Variants in GPC6 observed in about 807,000 individuals in gnomAD.
GPC6 encodes glypican-6.
GPC6 carries 14 observed loss-of-function variants against 55.2 expected under a neutral mutation model. The ratio of observed to expected loss-of-function variants is 0.25; its 90% CI spans 0.17 to 0.40. The LOEUF is 0.40. GPC6 is among the 10% of genes least tolerant of loss of function. GPC6 has a pLI of 1.00. For missense variants in GPC6, 641 were observed against 708.5 expected, an observed-to-expected ratio of 0.90 and a Z score of 1.08; for synonymous variants, 278 against 259.6, an observed-to-expected ratio of 1.07 and a Z score of -0.68.
intron 6 of GPC6, among the ~76,000 whole-genome samples, chr13:94,333,929 C>G (rs1324283730): frequency 6.6e-6 from 1 of 152,106 alleles, no homozygotes; most frequent in African/African-American, 2.4e-5. Flanking sequence ...AATGGGTGTA[C>G]AGAGAGCAGA....
At chr13:94,221,835 G>A (rs17253738) in intron 4 of GPC6, among the ~76,000 whole-genome samples, 27,616 of 151,896 alleles carry the variant, frequency 0.18, 2,782 homozygotes, top group East Asian at 0.41. Flanking sequence ...TTTAAATTGG[G>A]TAATAGTCAA....
At chr13:93,418,545 A>G (rs1265796215) in intron 1 of GPC6, among the ~76,000 whole-genome samples, 2 of 151,444 alleles carry the variant, frequency 1.3e-5, no homozygotes, top group African/African-American at 2.4e-5. Flanking sequence ...ATAGCACTGT[A>G]CTGTAGTATT....
At chr13:93,529,693 T>C (rs1256732931) in intron 1 of GPC6, among the ~76,000 whole-genome samples, 2 of 151,768 alleles carry the variant, frequency 1.3e-5, no homozygotes, top group African/African-American at 4.8e-5. Context: ...ATTTTTGTAT[T>C]TTTAGTAGAG....
At chr13:93,477,685 T>C (rs139740118) in intron 1 of GPC6, among the ~76,000 whole-genome samples, 226 of 152,344 alleles carry the variant, frequency 1.5e-3, no homozygotes, top group Non-Finnish European at 2.6e-3. Flanking sequence ...AATTGAGAGT[T>C]GGTACTCTTT....
chr13:93,687,420 A>G (rs986682953), intron 2 of GPC6, among the ~76,000 whole-genome samples: 5 of 152,218 alleles, frequency 3.3e-5, no homozygotes, highest in African/African-American at 4.8e-5. Flanking sequence ...TGAGTATTGC[A>G]TATGAATCAG....
intron 1 of GPC6, among the ~76,000 whole-genome samples, chr13:93,379,355 G>T (rs560637919): frequency 6.6e-6 from 1 of 152,266 alleles, no homozygotes; most frequent in Admixed American, 6.5e-5. Context: ...AATTGCAGTT[G>T]ATTATGTCTA....
intron 6 of GPC6, among the ~76,000 whole-genome samples, chr13:94,319,966 T>A (rs956600391): frequency 5.9e-5 from 9 of 152,220 alleles, no homozygotes; most frequent in African/African-American, 1.9e-4. Context: ...TGCTTCACCG[T>A]CTTTCACTCT....
chr13:93,226,549 C>G (rs1307904943), upstream of GPC6: 1 of 152,198 alleles, frequency 6.6e-6, no homozygotes, highest in Non-Finnish European at 1.5e-5. Flanking sequence ...ACAATTGGAA[C>G]TGCGTTATCC....
chr13:94,243,481 G>C (rs1594092003), intron 4 of GPC6, among the ~76,000 whole-genome samples: 1 of 152,088 alleles, frequency 6.6e-6, no homozygotes, highest in Admixed American at 6.6e-5. Flanking sequence ...TTTGACAGGA[G>C]CACAATCAGT....
intron 2 of GPC6, among the ~76,000 whole-genome samples, chr13:93,791,432 G>A (rs1886032002): frequency 6.6e-6 from 1 of 152,050 alleles, no homozygotes; most frequent in Non-Finnish European, 1.5e-5. Context: ...GGCCATTTTA[G>A]CTATTAATGT....
At chr13:93,990,918 G>GA (rs983584664) in intron 3 of GPC6, among the ~76,000 whole-genome samples, 13 of 146,944 alleles carry the variant, frequency 8.8e-5, no homozygotes, top group Non-Finnish European at 1.3e-4. Flanking sequence ...AGAGAGAAAG[G>GA]AAAAAAAAGC....
chr13:93,387,265 G>C (rs879149551), intron 1 of GPC6, among the ~76,000 whole-genome samples: 7 of 151,686 alleles, frequency 4.6e-5, no homozygotes, highest in Admixed American at 3.9e-4. Flanking sequence ...CTATCAACCC[G>C]TCATCCAGGT....
intron 1 of GPC6, among the ~76,000 whole-genome samples, chr13:93,302,520 A>C (rs1218622767): frequency 6.6e-6 from 1 of 152,200 alleles, no homozygotes; most frequent in Non-Finnish European, 1.5e-5. Flanking sequence ...GGTATAGTGT[A>C]AGTTTCTAAA....
intron 2 of GPC6, among the ~76,000 whole-genome samples, chr13:93,563,668 A>G (rs1443598140): frequency 1.3e-5 from 2 of 152,034 alleles, no homozygotes; most frequent in South Asian, 2.1e-4. Context: ...ATAGCATTTG[A>G]AAGTAGAAAT....
intron 5 of GPC6, among the ~76,000 whole-genome samples, chr13:94,298,372 C>G (rs867752810): frequency 6.6e-6 from 1 of 152,208 alleles, no homozygotes; most frequent in African/African-American, 2.4e-5. Context: ...GAGAAAGGCC[C>G]TAGCTCTGTG....
chr13:93,733,390 A>G (rs1279750598), intron 2 of GPC6, among the ~76,000 whole-genome samples: 1 of 151,962 alleles, frequency 6.6e-6, no homozygotes, highest in Non-Finnish European at 1.5e-5. Context: ...ATATTGTAAA[A>G]TCCTCACTAA....
chr13:93,265,387 C>A (rs955289618), intron 1 of GPC6, among the ~76,000 whole-genome samples: 3 of 152,296 alleles, frequency 2.0e-5, no homozygotes, highest in African/African-American at 7.2e-5. Flanking sequence ...TTTGAGTACT[C>A]GCATGACACC....
intron 2 of GPC6, among the ~76,000 whole-genome samples, chr13:93,714,843 G>A (rs967146186): frequency 3.3e-5 from 5 of 151,582 alleles, no homozygotes; most frequent in African/African-American, 1.2e-4. Flanking sequence ...TTATTCATAA[G>A]CTTTTCATGG....
At chr13:94,203,457 G>A (rs1889817289) in intron 4 of GPC6, among the ~76,000 whole-genome samples, 2 of 151,964 alleles carry the variant, frequency 1.3e-5, no homozygotes, top group African/African-American at 4.8e-5. Flanking sequence ...ATAACTTTCT[G>A]TTGTTTTTCA....
Sources: gnomAD v4.1 joint callset for allele counts (sites outside exome capture counted in the v4.1 genomes callset) on GRCh38, gnomAD v4.1.1 for gene constraint, MANE v1.5 for transcripts, NCBI Gene and HGNC (gene_info 2026-07-23, HGNC 2026-07-21) for gene names.